CTPS2: variants seen among roughly 807,000 people sequenced by gnomAD.
CTPS2 encodes CTP synthase 2.
CTPS2 carries 19 observed loss-of-function variants against 46.8 expected under a neutral mutation model. The observed-to-expected ratio is 0.41, with a 90% CI of 0.28 to 0.60. CTPS2 has a LOEUF of 0.60. Among genes scored for constraint, CTPS2 ranks in the 20% least tolerant of loss-of-function variants. The pLI is 0.35. For missense variants in CTPS2, 286 were observed against 447.6 expected (o/e 0.64, Z 3.26); for synonymous variants, 151 against 165.2 (o/e 0.91, Z 0.66).
At chrX:16,597,066 T>G (rs1004639908) in intron 17 of CTPS2, among the ~76,000 whole-genome samples, 3 of 109,807 alleles carry the variant, frequency 2.7e-5, no homozygotes, top group African/African-American at 6.7e-5. Flanking sequence ...TAAATTTGTT[T>G]GAGTTCATTG....
intron 14 of CTPS2, among the ~76,000 whole-genome samples, chrX:16,625,880 C>T (rs1931110036): frequency 9.0e-6 from 1 of 110,872 alleles, no homozygotes; most frequent in Non-Finnish European, 1.9e-5. Flanking sequence ...GCTCATGGAG[C>T]CTGGGGTTTG....
chrX:16,683,148 C>T lies in CTPS2; in HGVS notation c.951G>A (p.Val317=), dbSNP rs1243407892. 11 of 1,209,373 alleles carry T rather than the reference C, an allele frequency of 9.1e-6. No homozygotes were observed. The highest frequency in any genetic ancestry group is 1.1e-5 in the Non-Finnish European group (10 of 894,812). The change falls in exon 9 of 19, where the codon GTG becomes GTA. Residue 317 remains valine, a synonymous_variant. Coordinates refer to ENST00000359276, the MANE Select transcript of CTPS2 (RefSeq NM_175859.3). ...YTKLRDCYAS[V]FKALEHSALA... ...GGGCTGAGTGTTCCAGGGCTTTGAACACAGAGGCGTAGCAGTCTCTGAGCT... is the reference window on the plus strand; with the variant it reads ...GGGCTGAGTGTTCCAGGGCTTTGAATACAGAGGCGTAGCAGTCTCTGAGCT...
chrX:16,608,123 G>T (rs1930078100), intron 17 of CTPS2, among the ~76,000 whole-genome samples: 1 of 111,443 alleles, frequency 9.0e-6, no homozygotes, highest in Admixed American at 9.5e-5. Context: ...TGAGGCAGGA[G>T]AATCTCTTGA....
intron 13 of CTPS2, among the ~76,000 whole-genome samples, chrX:16,660,273 T>G (rs761292886): frequency 9.1e-6 from 1 of 110,182 alleles, no homozygotes; most frequent in East Asian, 2.8e-4. Context: ...TGGAGTGGAG[T>G]GGCATGATCA....
intron 13 of CTPS2, among the ~76,000 whole-genome samples, chrX:16,664,664 A>T (rs1466803258): frequency 8.9e-6 from 1 of 112,185 alleles, no homozygotes; most frequent in Non-Finnish European, 1.9e-5. Context: ...AAGGGAAGGG[A>T]TTAAACAGGC....
chrX:16,673,707 C>T (rs1343729130), intron 10 of CTPS2, among the ~76,000 whole-genome samples: 1 of 111,848 alleles, frequency 8.9e-6, no homozygotes. Flanking sequence ...GTAATAAAAA[C>T]AGCTTTAAAG....
At chrX:16,661,589 A>T (rs1018515515) in intron 13 of CTPS2, among the ~76,000 whole-genome samples, 4 of 112,107 alleles carry the variant, frequency 3.6e-5, no homozygotes, top group Non-Finnish European at 5.6e-5. Context: ...ACAAAAATCA[A>T]CTTTCACCCA....
At chrX:16,667,172 A>T (rs1215571784) in intron 13 of CTPS2, among the ~76,000 whole-genome samples, 16 of 87,795 alleles carry the variant, frequency 1.8e-4, no homozygotes, top group Non-Finnish European at 3.2e-4. Flanking sequence ...TCACTCTGTC[A>T]CTGAGGCTGG....
At chrX:16,630,329 A>G (rs1354257122) in intron 14 of CTPS2, among the ~76,000 whole-genome samples, 3 of 93,355 alleles carry the variant, frequency 3.2e-5, no homozygotes, top group Non-Finnish European at 6.3e-5. Flanking sequence ...ATCTCGGCTC[A>G]CTGCAACCTC....
At chrX:16,685,301 G>A (rs1386994460) in intron 8 of CTPS2, among the ~76,000 whole-genome samples, 1 of 111,428 alleles carries the variant, frequency 9.0e-6, no homozygotes, top group African/African-American at 3.3e-5. Flanking sequence ...TTACTCCTAC[G>A]GCTCACTCAC....
At chrX:16,603,456 T>TAAATAAATAAAA (rs1427576386) in intron 17 of CTPS2, among the ~76,000 whole-genome samples, 94 of 108,202 alleles carry the variant, frequency 8.7e-4, no homozygotes, top group African/African-American at 3.1e-3. Flanking sequence ...AATAAATAAA[T>TAAATAAATAAAA]AAAACCAAAA....
intron 8 of CTPS2, among the ~76,000 whole-genome samples, chrX:16,686,523 G>A (rs1343317667): frequency 8.9e-6 from 1 of 111,989 alleles, no homozygotes; most frequent in African/African-American, 3.2e-5. Context: ...CTGGATTAGG[G>A]CCTGCCTTAC....
chrX:16,667,653 C>T lies in CTPS2; in HGVS notation c.1252+9G>A, dbSNP rs375249659. 31 of 1,208,760 alleles carry T rather than the reference C, an allele frequency of 2.6e-5. No individual in the cohort carries two copies. Among genetic ancestry groups the T allele is most frequent in the Admixed American group, 1.1e-4 (5 of 45,599 alleles). On this transcript the variant is annotated intron_variant, in intron 12 of 18. Coordinates refer to ENST00000359276, the MANE Select transcript of CTPS2 (RefSeq NM_175859.3). ...TAAATAAATGGTCATTAGCAAACCTCGAACTTACCTTTCAAGTTAAGGCAG... is the reference window on the plus strand; with the variant it reads ...TAAATAAATGGTCATTAGCAAACCTTGAACTTACCTTTCAAGTTAAGGCAG...
At chrX:16,622,423 GAAAGAA>G (rs953374799) in intron 14 of CTPS2, among the ~76,000 whole-genome samples, 5 of 107,495 alleles carry the variant, frequency 4.7e-5, no homozygotes, top group Non-Finnish European at 9.6e-5. Flanking sequence ...AAAAAAAAAA[GAAAGAA>G]AAAGAAAAAG....
intron 14 of CTPS2, among the ~76,000 whole-genome samples, chrX:16,636,118 G>A (rs1464888988): frequency 8.9e-6 from 1 of 112,317 alleles, no homozygotes; most frequent in Non-Finnish European, 1.9e-5. Context: ...AAAGGAGACA[G>A]ACCAGGCATG....
intron 16 of CTPS2, among the ~76,000 whole-genome samples, chrX:16,616,522 C>T (rs946119003): frequency 7.2e-5 from 8 of 111,846 alleles, no homozygotes; most frequent in African/African-American, 2.6e-4. Flanking sequence ...TGCCACTCAA[C>T]AGTGCCACTC....
intron 10 of CTPS2, among the ~76,000 whole-genome samples, chrX:16,678,063 G>A (rs1020141939): frequency 7.2e-5 from 8 of 111,693 alleles, no homozygotes; most frequent in Non-Finnish European, 1.1e-4. Flanking sequence ...ATTCATCTCT[G>A]CATCTTCCAG....
At chrX:16,663,754 C>T (rs1470538475) in intron 13 of CTPS2, among the ~76,000 whole-genome samples, 9 of 111,123 alleles carry the variant, frequency 8.1e-5, no homozygotes, top group South Asian at 3.8e-4. Flanking sequence ...GGAAGGGAAC[C>T]GAAGTGAGGT....
At position 16,639,313 on chromosome X, in the gene CTPS2, G is replaced by A. The variant is rs112173296; in HGVS notation, c.1297-70C>T. 3.0e-3 allele frequency: 2,321 copies of A among 778,690 alleles called. 38 individuals carry two copies. The African/African-American group carries it at 0.041, about 14-fold the overall frequency. The allele number at this position is 778,690 out of a possible 1,213,427, so 64.2% of individuals were successfully genotyped here. A position where few individuals can be genotyped will look rare whatever the true frequency, so the allele number is the denominator to read the frequency against. On this transcript the variant is annotated intron_variant, in intron 13 of 18. Transcript: ENST00000359276. The stretch of plus-strand genomic sequence containing the variant: ...TCATTTCCCAAATTTCAAGCTTTAC[G>A]TTTAAAGGAATGATCATTGGGTAAG...
Sources: gnomAD v4.1 joint callset for allele counts (sites outside exome capture counted in the v4.1 genomes callset) on GRCh38, gnomAD v4.1.1 for gene constraint, MANE v1.5 for transcripts, NCBI Gene and HGNC (gene_info 2026-07-23, HGNC 2026-07-21) for gene names.